The following CYFIP1 variants were observed in gnomAD, a reference collection of about 807,000 sequenced individuals.
CYFIP1 encodes cytoplasmic FMR1-interacting protein 1.
Under a neutral mutation model 163.5 loss-of-function variants are expected in CYFIP1, and 58 were observed. The ratio of observed to expected loss-of-function variants is 0.35; its 90% CI spans 0.29 to 0.44. The LOEUF (loss-of-function observed/expected upper bound fraction) is 0.44. Among genes scored for constraint, CYFIP1 ranks in the 20% least tolerant of loss-of-function variants. CYFIP1 has a pLI of 1.00. For missense variants in CYFIP1, 1,338 were observed against 1,653.8 expected (o/e 0.81, Z 3.31); for synonymous variants, 663 against 660.7 (o/e 1.00, Z -0.05).
intron 1 of CYFIP1, among the ~76,000 whole-genome samples, chr15:22,948,617 G>A (rs2062138530): frequency 6.6e-6 from 1 of 152,102 alleles, no homozygotes; most frequent in African/African-American, 2.4e-5. Context: ...AGAATCAACA[G>A]ATGCCAAAAT....
chr15:22,909,089 C>A (rs766702443), intron 21 of CYFIP1, 105 bp downstream of exon 21: 1 of 1,424,726 alleles, frequency 7.0e-7, no homozygotes, highest in Non-Finnish European at 9.7e-7. Flanking sequence ...ATACAAGAGG[C>A]TTGGTATAGG....
At chr15:22,936,742 GA>G (rs2061723929) in intron 9 of CYFIP1, among the ~76,000 whole-genome samples, 1 of 152,162 alleles carries the variant, frequency 6.6e-6, no homozygotes, top group South Asian at 2.1e-4. Context: ...CATTGGAACG[GA>G]TAAGTTACGG....
Position 22,873,715 on chromosome 15 carries a change from T to C in CYFIP1, c.3225A>G (p.Ala1075=), listed in dbSNP as rs1457564003. 1 of 1,612,426 alleles carries C rather than the reference T, an allele frequency of 6.2e-7. No homozygotes were observed. The part of the protein sequence containing the change: ...RLGTPQQIAI[A]REGDLLTKER... ...CCTTTGTCAGCAGGTCCCCCTCTCT[T>C]GCGATGGCAATTTGCTGCAGAAAGG... The change falls in exon 29 of 31, where the codon GCA becomes GCG. Residue 1075 remains alanine (A), a synonymous_variant. Transcript: ENST00000617928.
In CYFIP1 at chr15:22,867,243, AAAC is replaced by A. The variant is rs978874926; in HGVS notation, c.*2782_*2784del. ...CATGTAAGGCTTTTTTATTTTAAAA[AAAC>A]AGAGTTATCCCAATACATTATCCTG... On this transcript the variant is annotated 3_prime_UTR_variant, in exon 31 of 31. Coordinates refer to ENST00000617928, the MANE Select transcript of CYFIP1 (RefSeq NM_014608.6). The A allele has an allele frequency of 5.4e-5, 22 of 404,274 alleles. 1 individual carries two copies. In the Admixed American group the frequency reaches 7.6e-4, roughly 14 times the overall value. 25.0% of individuals were successfully genotyped at this position (404,274 alleles called of 1,614,324 possible). A position where few individuals can be genotyped will look rare whatever the true frequency, so the allele number is the denominator to read the frequency against.
chr15:22,878,098 G>T (rs909321988), intron 26 of CYFIP1, among the ~76,000 whole-genome samples: 1 of 152,178 alleles, frequency 6.6e-6, no homozygotes, highest in South Asian at 2.1e-4. Flanking sequence ...ACTGCTTTGG[G>T]AAACAACATA....
intron 1 of CYFIP1, chr15:22,951,213 G>T: frequency 1.6e-6 from 1 of 611,954 alleles, no homozygotes; most frequent in Non-Finnish European, 2.1e-6. Flanking sequence ...CGCACCGCCA[G>T]CCACCTGGAC....
chr15:22,963,544 CATAACAT>C (rs2062776269), intron 1 of CYFIP1, among the ~76,000 whole-genome samples: 1 of 135,756 alleles, frequency 7.4e-6, no homozygotes, highest in Admixed American at 7.3e-5. Flanking sequence ...CATAACATAA[CATAACAT>C]AACATAAGAA....
chr15:22,880,726 C>A lies in CYFIP1; in HGVS notation c.2912-683G>T, dbSNP rs533185293. Among the ~76,000 whole-genome samples, 48 of 152,312 alleles carry A rather than the reference C, an allele frequency of 3.2e-4. 2 individuals carry two copies. The South Asian group carries it at 9.1e-3, about 29-fold the overall frequency. ...AGCGGGAGGCTCAGCAGACCTTAAA[C>A]CCTTGTCCCAGCAGGTCTTGCCCGA... is the stretch of plus-strand genomic sequence containing the variant. On this transcript the variant is annotated intron_variant, in intron 25 of 30. Coordinates refer to ENST00000617928, the MANE Select transcript of CYFIP1 (RefSeq NM_014608.6).
intron 1 of CYFIP1, among the ~76,000 whole-genome samples, chr15:22,976,962 G>A (rs1318578867): frequency 6.6e-6 from 1 of 152,174 alleles, no homozygotes; most frequent in African/African-American, 2.4e-5. Context: ...CACTTTGGGA[G>A]GCCGAGGCAG....
intron 1 of CYFIP1, among the ~76,000 whole-genome samples, chr15:22,975,226 GGAAGTCACGTAGTTTTAACTTTTGA>G (rs1360283483): frequency 3.3e-5 from 5 of 152,008 alleles, no homozygotes; most frequent in Non-Finnish European, 7.4e-5. Context: ...TTAACTTTTG[GGAAGTCACGTAGTTTTAACTTTTGA>G]GAAGTCAAAA....
At chr15:22,972,585 T>C (rs1256719780) in intron 1 of CYFIP1, among the ~76,000 whole-genome samples, 1 of 152,030 alleles carries the variant, frequency 6.6e-6, no homozygotes, top group Non-Finnish European at 1.5e-5. Flanking sequence ...TTAACAAAGG[T>C]GCCAAGAACA....
chr15:22,890,152 A>T (rs2060034170), intron 23 of CYFIP1, among the ~76,000 whole-genome samples: 1 of 151,746 alleles, frequency 6.6e-6, no homozygotes, highest in Admixed American at 6.6e-5. Context: ...AAAAAAAAAA[A>T]ATACAAAAAA....
rs371601804 is a variant in CYFIP1 at position 22,903,707 on chromosome 15, G to A, written c.2587C>T (p.Arg863Trp). 2 of 1,613,260 alleles carry A rather than the reference G, an allele frequency of 1.2e-6. No homozygotes were observed. Among genetic ancestry groups the A allele is most frequent in the Non-Finnish European group, 1.7e-6 (2 of 1,179,964 alleles). Residue 863 changes from arginine to tryptophan, a missense_variant and splice_region_variant, in exon 22 of 31, where the codon CGG becomes TGG. By Grantham distance (101) the Arg-to-Trp change is moderately radical. Transcript: ENST00000617928. The stretch of plus-strand genomic sequence containing the variant: ...CGCCTGTGTGGCGGGCACGCTCACC[G>A]GTTGGTAGAGCCGTTGTAGCAGTAG... ...PNYCYNGSTN[R>W]FVRTVLPFSQ...
In CYFIP1 at chr15:22,869,189, G is replaced by A. The variant is rs1289563667; in HGVS notation, c.*839C>T. ...CCTCCCACATTGCTGGCTTCCTCCA[G>A]GTCATGGGCACAGGTAACAGAGAGG... On this transcript the variant is annotated 3_prime_UTR_variant, in exon 31 of 31. Transcript: ENST00000617928. 1 of 152,284 alleles carries A rather than the reference G, an allele frequency of 6.6e-6. No individual in the cohort carries two copies. Among genetic ancestry groups the A allele is most frequent in the East Asian group, 1.9e-4 (1 of 5,202 alleles). The allele number at this position is 152,284 out of a possible 1,614,324, so 9.4% of individuals were successfully genotyped here.
chr15:22,876,468 T>C (rs77389228), intron 26 of CYFIP1, among the ~76,000 whole-genome samples: 3,458 of 152,104 alleles, frequency 0.023, 141 homozygotes, highest in African/African-American at 0.078. Flanking sequence ...TGCTTCAAAC[T>C]CTTGTGGTTC....
At chr15:22,946,315 G>C (rs1595678398) in intron 3 of CYFIP1, among the ~76,000 whole-genome samples, 1 of 150,538 alleles carries the variant, frequency 6.6e-6, no homozygotes, top group Non-Finnish European at 1.5e-5. Flanking sequence ...AAAAAAAAAA[G>C]AAAGAAAGAA....
Position 22,933,987 on chromosome 15 carries a change from C to T in CYFIP1, c.901-94G>A, listed in dbSNP as rs560354279. 9.0e-5 allele frequency: 72 copies of T among 799,230 alleles called. No homozygotes were observed. In the Middle Eastern group the frequency reaches 1.9e-3, roughly 21 times the overall value. 49.5% of individuals were successfully genotyped at this position (799,230 alleles called of 1,614,324 possible). ...AACTGACTAATGCTAATAATTACTT[C>T]GGCTTGAATGCTACCTCTGCAAATG... is the stretch of plus-strand genomic sequence containing the variant. On this transcript the variant is annotated intron_variant, in intron 9 of 30. Coordinates refer to ENST00000617928, the MANE Select transcript of CYFIP1 (RefSeq NM_014608.6).
In CYFIP1 at chr15:22,962,304, T is replaced by C. The variant is rs564174033; in HGVS notation, c.-6-15013A>G. 3.4e-3 allele frequency among the ~76,000 whole-genome samples: 524 copies of C among 152,246 alleles called. 6 individuals carry two copies. Among genetic ancestry groups the C allele is most frequent in the African/African-American group, 0.012 (506 of 41,556 alleles). On this transcript the variant is annotated intron_variant, in intron 1 of 30. Transcript: ENST00000617928. ...CCCACACCGAAAGGCAGAGTCCTGC[T>C]TGTGATCCACAGTGAGCCCCTGCTC... is the stretch of plus-strand genomic sequence containing the variant.
chr15:22,980,066 C>T (rs574882885), intron 1 of CYFIP1, among the ~76,000 whole-genome samples: 1,507 of 148,474 alleles, frequency 0.01, 16 homozygotes, highest in Middle Eastern at 0.036. Context: ...GTGCGGGGAC[C>T]TGGAGCCCGG....
Sources: gnomAD v4.1 joint callset for allele counts (sites outside exome capture counted in the v4.1 genomes callset) on GRCh38, gnomAD v4.1.1 for gene constraint, MANE v1.5 for transcripts, NCBI Gene and HGNC (gene_info 2026-07-23, HGNC 2026-07-21) for gene names.